The following ABITRAM variants were observed in gnomAD, a reference collection of about 807,000 sequenced individuals.
The protein encoded by ABITRAM is protein Abitram.
In ABITRAM, 19 loss-of-function variants were observed where a neutral mutation model predicts 22.9. The observed-to-expected ratio is 0.83, with a 90% CI of 0.58 to 1.22. ABITRAM has a LOEUF of 1.22. ABITRAM is among the 50% of genes most tolerant of loss of function. The probability of loss-of-function intolerance (pLI) is 0.00; values close to 1 mark genes in which losing one functional copy is unlikely to be tolerated. For synonymous variants in ABITRAM, 70 were observed against 73.9 expected (o/e 0.95, Z 0.27); for missense variants, 215 against 220.2 (o/e 0.98, Z 0.15).
At chr9:108,941,994 T>G (rs1199401185), downstream of ABITRAM, among the ~76,000 whole-genome samples, 1 of 152,236 alleles carries the variant, frequency 6.6e-6, no homozygotes, top group Non-Finnish European at 1.5e-5. Flanking sequence ...GGCTTCCTTA[T>G]TCTGTCTTTG....
In ABITRAM at chr9:108,934,410, A is replaced by G. The variant is rs1383712660; in HGVS notation, c.-77A>G. On this transcript the variant is annotated 5_prime_UTR_variant, in exon 1 of 6. Transcript: ENST00000322940. ...CGCACGACACGCGCTGTGCGCCGGA[A>G]GAGCACGCCCAGTCCGGGCTGCGCG... The G allele has an allele frequency of 1.6e-6, 2 of 1,266,352 alleles. No homozygotes were observed. Among genetic ancestry groups the G allele is most frequent in the Non-Finnish European group, 2.1e-6 (2 of 937,456 alleles). 78.4% of individuals were successfully genotyped at this position (1,266,352 alleles called of 1,614,324 possible).
At chr9:108,943,123 G>C, downstream of ABITRAM, 4 of 1,293,326 alleles carry the variant, frequency 3.1e-6, no homozygotes, top group Non-Finnish European at 4.3e-6. Context: ...GTTTTAACAT[G>C]ATAAAATTTC....
At chr9:108,946,788 A>T (rs1314436054) in intron 3 of ABITRAM, among the ~76,000 whole-genome samples, 1 of 152,202 alleles carries the variant, frequency 6.6e-6, no homozygotes, top group African/African-American at 2.4e-5. Flanking sequence ...TATGTTCATC[A>T]CAGTTTGGAG....
At chr9:108,947,086 ATGAG>A (rs2132081915) in intron 3 of ABITRAM, among the ~76,000 whole-genome samples, 1 of 151,446 alleles carries the variant, frequency 6.6e-6, no homozygotes, top group Non-Finnish European at 1.5e-5. Context: ...ATAAAACTAT[ATGAG>A]TGATAAAGTG....
chr9:108,941,557 A>G (rs959051322), downstream of ABITRAM, among the ~76,000 whole-genome samples: 8 of 152,152 alleles, frequency 5.3e-5, no homozygotes, highest in Non-Finnish European at 1.2e-4. Flanking sequence ...AGTGCATCAC[A>G]TTTTCTCCCG....
At position 108,939,418 on chromosome 9, in the gene ABITRAM, A is replaced by C; in HGVS notation, c.372A>C (p.Glu124Asp). 1 of 1,611,792 alleles carries C rather than the reference A, an allele frequency of 6.2e-7. No individual in the cohort carries two copies. Among genetic ancestry groups the C allele is most frequent in the Non-Finnish European group, 8.5e-7 (1 of 1,179,460 alleles). Residue 124 changes from glutamate to aspartate, a missense_variant, in exon 5 of 6, where the codon GAA becomes GAC. Transcript: ENST00000322940. The part of the protein sequence containing the change: ...CVRGRLMEVN[E>D]NILHKPSILQ... ...GAGGACGTTTGATGGAAGTGAATGAAAACATCCTCCATAAGCCATCTATTC... is the reference window on the plus strand; with the variant it reads ...GAGGACGTTTGATGGAAGTGAATGACAACATCCTCCATAAGCCATCTATTC...
chr9:108,949,035 C>T (rs1048513096), intron 3 of ABITRAM, among the ~76,000 whole-genome samples: 2 of 151,828 alleles, frequency 1.3e-5, no homozygotes, highest in African/African-American at 2.4e-5. Context: ...CTATAAGGCA[C>T]TAGAAAACCT....
At position 108,947,905 on chromosome 9, in the gene ABITRAM, T is replaced by C. The variant is rs530711078; in HGVS notation, c.262-2602T>C. Among the ~76,000 whole-genome samples, 203 of 152,352 alleles carry C rather than the reference T, an allele frequency of 1.3e-3. 1 individual carries two copies. The highest frequency in any genetic ancestry group is 4.4e-3 in the African/African-American group (183 of 41,588). On this transcript the variant is annotated intron_variant, in intron 3 of 3. Transcript: ENST00000374624. ...TGCTTACAGGATATTTTCACCTACTTAGGTAAACCTAAAGCTTATTATTGC... is the reference window on the plus strand; with the variant it reads ...TGCTTACAGGATATTTTCACCTACTCAGGTAAACCTAAAGCTTATTATTGC...
intron 3 of ABITRAM, among the ~76,000 whole-genome samples, chr9:108,947,101 A>G (rs1830426470): frequency 1.3e-5 from 2 of 150,340 alleles, no homozygotes; most frequent in African/African-American, 4.9e-5. Context: ...TGATAAAGTG[A>G]TAGAAATTTC....
In ABITRAM at chr9:108,939,563, C is replaced by A. The variant is rs1353593793; in HGVS notation, c.423C>A (p.Gly141=). 2 of 1,613,832 alleles carry A rather than the reference C, an allele frequency of 1.2e-6. No homozygotes were observed. The highest frequency in any genetic ancestry group is 2.2e-5 in the South Asian group (2 of 91,050). Residue 141 remains glycine, a synonymous_variant, in exon 6 of 6, where the codon GGC becomes GGA. Transcript: ENST00000322940. The stretch of plus-strand genomic sequence containing the variant: ...TTCCTTTCCAGCCATCTACTGAAGG[C>A]TACATTGCAGTTGTGTTACCCAAAT... ...SILQEKPSTE[G]YIAVVLPKFE... is the part of the protein sequence containing the mutation.
At chr9:108,938,547 TGTA>T (rs1440702140) in intron 3 of ABITRAM, among the ~76,000 whole-genome samples, 3 of 152,064 alleles carry the variant, frequency 2.0e-5, no homozygotes, top group African/African-American at 7.2e-5. Flanking sequence ...CACATCAAAA[TGTA>T]GTATTGACTC....
At chr9:108,942,568 A>G (rs916673560), downstream of ABITRAM, 7 of 562,862 alleles carry the variant, frequency 1.2e-5, no homozygotes, top group African/African-American at 7.5e-5. Context: ...TCACACTACA[A>G]TTAGAATCTA....
In ABITRAM at chr9:108,947,115, C is replaced by CTT. The variant is rs34477684; in HGVS notation, c.262-3377_262-3376dup. Among the ~76,000 whole-genome samples the CTT allele has an allele frequency of 6.6e-3, 898 of 136,250 alleles. 7 individuals carry two copies. Among genetic ancestry groups the CTT allele is most frequent in the Non-Finnish European group, 8.5e-3 (542 of 63,642 alleles). The allele number at this position is 136,250 out of a possible 152,430, so 89.4% of individuals were successfully genotyped here. A position where few individuals can be genotyped will look rare whatever the true frequency, so the allele number is the denominator to read the frequency against. ...GTGATAAAGTGATAGAAATTTCTTTCTTTTTTTTTTTTTTTTGAGATGGAG... is the reference window on the plus strand; with the variant it reads ...GTGATAAAGTGATAGAAATTTCTTTCTTTTTTTTTTTTTTTTTTGAGATGGAG... On this transcript the variant is annotated intron_variant, in intron 3 of 3. Coordinates refer to the ABITRAM transcript ENST00000374624.
intron 3 of ABITRAM, among the ~76,000 whole-genome samples, chr9:108,949,298 T>C (rs180822884): frequency 1.3e-5 from 2 of 152,334 alleles, no homozygotes; most frequent in African/African-American, 4.8e-5. Flanking sequence ...CAACCCCTCA[T>C]GTTTCCCAGT....
intron 3 of ABITRAM, among the ~76,000 whole-genome samples, chr9:108,937,379 C>A (rs1830202556): frequency 6.6e-6 from 1 of 152,156 alleles, no homozygotes; most frequent in African/African-American, 2.4e-5. Context: ...AATTTAGTGA[C>A]ATGTTAAAAT....
At chr9:108,943,685 T>C, downstream of ABITRAM, 1 of 1,596,040 alleles carries the variant, frequency 6.3e-7, no homozygotes, top group Non-Finnish European at 8.5e-7. Context: ...GTGAAAGTTT[T>C]TCATATGTCT....
intron 1 of ABITRAM, 123 bp from the exon 2 acceptor site, chr9:108,935,515 C>T (rs1830168928): frequency 5.4e-6 from 4 of 738,274 alleles, no homozygotes; most frequent in Non-Finnish European, 9.4e-6. Flanking sequence ...AAGGGATACC[C>T]GTGATCAGCA....
At chr9:108,934,623 CTA>C (rs1448649794) in intron 1 of ABITRAM, 58 bp downstream of exon 1, 6 of 1,486,660 alleles carry the variant, frequency 4.0e-6, no homozygotes, top group Non-Finnish European at 4.5e-6. Flanking sequence ...GCTGTGTAGA[CTA>C]TGTTGACAGA....
In ABITRAM at chr9:108,939,900, T is replaced by C. The variant is rs1830236367; in HGVS notation, c.*214T>C. 3 of 486,600 alleles carry C rather than the reference T, an allele frequency of 6.2e-6. No homozygotes were observed. The highest frequency in any genetic ancestry group is 3.9e-5 in the African/African-American group (2 of 51,100). The allele number at this position is 486,600 out of a possible 1,614,324, so 30.1% of individuals were successfully genotyped here. A position where few individuals can be genotyped will look rare whatever the true frequency, so the allele number is the denominator to read the frequency against. ...GCCTGCCAGATCTGGCCTGCCCATGTACTCACACTGTTCTCTTGCATCTCT... is the reference window on the plus strand; with the variant it reads ...GCCTGCCAGATCTGGCCTGCCCATGCACTCACACTGTTCTCTTGCATCTCT... On this transcript the variant is annotated 3_prime_UTR_variant, in exon 6 of 6. Transcript: ENST00000322940.
Sources: allele counts gnomAD v4.1 joint callset (sites outside exome capture counted in the v4.1 genomes callset), GRCh38; gene constraint gnomAD v4.1.1; transcripts MANE v1.5; gene names NCBI Gene and HGNC (gene_info 2026-07-23, HGNC 2026-07-21).